The following MICAL3 variants were observed in gnomAD, a reference collection of about 807,000 sequenced individuals.
The protein encoded by MICAL3 is microtubule associated monooxygenase, calponin and LIM domain containing 3.
Under a neutral mutation model 207.4 loss-of-function variants are expected in MICAL3, and 62 were observed. The observed-to-expected ratio is 0.30, with a 90% CI of 0.24 to 0.37. MICAL3 has a LOEUF of 0.37. Ranked by LOEUF, MICAL3 falls within the 10% of genes least tolerant of loss-of-function variation. The pLI, the probability that MICAL3 is intolerant of heterozygous loss-of-function variation, is 1.00. For missense variants in MICAL3, 2,368 were observed against 2,635.6 expected (o/e 0.90, Z 2.22); for synonymous variants, 1,077 against 1,069.3 (o/e 1.01, Z -0.14).
chr22:17,847,616 C>CGACCGTG (rs1555993759), intron 19 of MICAL3, among the ~76,000 whole-genome samples: 1 of 152,072 alleles, frequency 6.6e-6, no homozygotes, highest in Non-Finnish European at 1.5e-5. Context: ...TAAAAGGGGC[C>CGACCGTG]GACCGTGACC....
intron 19 of MICAL3, chr22:17,860,777 C>T: frequency 1.0e-6 from 1 of 984,672 alleles, no homozygotes. Flanking sequence ...GAGACACCCA[C>T]CCACTCACCT....
chr22:18,021,812 G>C (rs1271518452), intron 1 of MICAL3, among the ~76,000 whole-genome samples: 1 of 152,160 alleles, frequency 6.6e-6, no homozygotes, highest in African/African-American at 2.4e-5. Flanking sequence ...TCCACATTGG[G>C]TGGGTTGTGT....
chr22:17,869,560 C>T (rs1927504808), intron 17 of MICAL3, among the ~76,000 whole-genome samples: 1 of 152,148 alleles, frequency 6.6e-6, no homozygotes, highest in East Asian at 1.9e-4. Flanking sequence ...AAAGAAACAG[C>T]AGCTCTGTGT....
At position 17,861,473 on chromosome 22, in the gene MICAL3, C is replaced by T. The variant is rs1341879145; in HGVS notation, c.2605+3426G>A. The T allele has an allele frequency of 1.2e-5, 12 of 985,482 alleles. No individual in the cohort carries two copies. The African/African-American group carries it at 1.6e-4, about 13-fold the overall frequency. 61.0% of individuals were successfully genotyped at this position (985,482 alleles called of 1,614,324 possible). A position where few individuals can be genotyped will look rare whatever the true frequency, so the allele number is the denominator to read the frequency against. On this transcript the variant is annotated intron_variant, in intron 19 of 31. Coordinates refer to ENST00000441493, the MANE Select transcript of MICAL3 (RefSeq NM_015241.3). ...AAAAAGCTCTTCTGTTCCTTTCCGG[C>T]TATGCCTTCGGCTTCCCTACTTCAT...
In MICAL3 at chr22:17,804,732, TG is replaced by T. The variant is rs1156491418; in HGVS notation, c.5650+4111del. Reference sequence around the variant, plus strand: ...GCACAGCACTCGGCCGCCATGGTGTTGCCCTCTCTCCAAACCCCGCATTCTG... The same window carrying T: ...GCACAGCACTCGGCCGCCATGGTGTTCCCTCTCTCCAAACCCCGCATTCTG... On this transcript the variant is annotated intron_variant, in intron 29 of 31. Coordinates refer to ENST00000441493, the MANE Select transcript of MICAL3 (RefSeq NM_015241.3). 5.9e-5 allele frequency among the ~76,000 whole-genome samples: 9 copies of T among 152,302 alleles called. No homozygotes were observed. In the East Asian group the frequency reaches 1.7e-3, roughly 29 times the overall value.
chr22:17,851,828 C>T (rs906686762), intron 19 of MICAL3, among the ~76,000 whole-genome samples: 1 of 152,232 alleles, frequency 6.6e-6, no homozygotes, highest in Non-Finnish European at 1.5e-5. Context: ...GCTCGATGTC[C>T]TGACACAAGC....
chr22:17,796,648 C>T lies in MICAL3; in HGVS notation c.5651-5347G>A, dbSNP rs975626395. Among the ~76,000 whole-genome samples, 1 of 152,224 alleles carries T rather than the reference C, an allele frequency of 6.6e-6. No individual in the cohort carries two copies. Among genetic ancestry groups the T allele is most frequent in the Non-Finnish European group, 1.5e-5 (1 of 68,026 alleles). ...GGCAGCTCAAGGAAGAGCAGTCCCACAGACCCTGATCAGAATGTCACACCT... is the reference window on the plus strand; with the variant it reads ...GGCAGCTCAAGGAAGAGCAGTCCCATAGACCCTGATCAGAATGTCACACCT... On this transcript the variant is annotated intron_variant, in intron 29 of 31. Coordinates refer to ENST00000441493, the MANE Select transcript of MICAL3 (RefSeq NM_015241.3). The surrounding 1 kb of genome is among the most constrained non-coding windows in gnomAD (Gnocchi z 4.4).
At chr22:17,866,572 T>C (rs1205598461) in intron 17 of MICAL3, among the ~76,000 whole-genome samples, 1 of 142,876 alleles carries the variant, frequency 7.0e-6, no homozygotes, top group Admixed American at 7.0e-5. Context: ...AATACTGCAA[T>C]GGACTATGAG....
At chr22:17,881,342 C>T in intron 16 of MICAL3, 1 of 1,514,540 alleles carries the variant, frequency 6.6e-7, no homozygotes, top group Non-Finnish European at 9.1e-7. Context: ...GAACATCATT[C>T]AAACAGTGGC....
At chr22:17,957,733 A>AGT (rs1934696063) in intron 1 of MICAL3, among the ~76,000 whole-genome samples, 1 of 142,858 alleles carries the variant, frequency 7.0e-6, no homozygotes, top group African/African-American at 2.6e-5. Context: ...AAAAAGAGAG[A>AGT]GAAAGAAAAC....
intron 29 of MICAL3, among the ~76,000 whole-genome samples, chr22:17,804,796 C>T (rs921339320): frequency 6.6e-6 from 1 of 152,172 alleles, no homozygotes; most frequent in Non-Finnish European, 1.5e-5. Context: ...CACCTGAGGG[C>T]CTCCCCTTGA....
chr22:17,863,098 A>C (rs5992879), intron 19 of MICAL3: 110,851 of 985,018 alleles, frequency 0.11, 8,949 homozygotes, highest in African/African-American at 0.39. Context: ...GGAAAGCGTA[A>C]TTCTTTAGAA....
At chr22:18,017,828 G>A (rs1328776763) in intron 1 of MICAL3, among the ~76,000 whole-genome samples, 3 of 149,430 alleles carry the variant, frequency 2.0e-5, no homozygotes, top group African/African-American at 5.0e-5. Flanking sequence ...TCCGCTCACT[G>A]CAAGCTCCGC....
intron 19 of MICAL3, among the ~76,000 whole-genome samples, chr22:17,846,574 TA>T (rs1054402490): frequency 9.2e-5 from 14 of 152,234 alleles, no homozygotes; most frequent in African/African-American, 3.4e-4. Flanking sequence ...CCTCATCAAC[TA>T]ATGGCAGAAC....
chr22:17,923,405 C>T (rs966075451), intron 1 of MICAL3, among the ~76,000 whole-genome samples: 3 of 152,250 alleles, frequency 2.0e-5, no homozygotes, highest in African/African-American at 4.8e-5. Context: ...CAACCTACCA[C>T]ATTTTTTTTC....
At position 17,787,688 on chromosome 22, in the gene MICAL3, T is replaced by C. The variant is rs1029153496; in HGVS notation, c.*3044A>G. On this transcript the variant is annotated 3_prime_UTR_variant, in exon 32 of 32. Transcript: ENST00000441493. ...TTTTATTTTGCATAAAACAGACCCA[T>C]TCCCTTTGTGGGTCAGATGTTACCA... is the stretch of plus-strand genomic sequence containing the variant. The C allele has an allele frequency of 3.3e-5, 5 of 152,254 alleles. No homozygotes were observed. The highest frequency in any genetic ancestry group is 9.6e-5 in the African/African-American group (4 of 41,470). The allele number at this position is 152,254 out of a possible 1,614,324, so 9.4% of individuals were successfully genotyped here. A position where few individuals can be genotyped will look rare whatever the true frequency, so the allele number is the denominator to read the frequency against.
intron 1 of MICAL3, among the ~76,000 whole-genome samples, chr22:17,945,753 C>T (rs571465842): frequency 1.3e-5 from 2 of 152,232 alleles, no homozygotes; most frequent in East Asian, 1.9e-4. Flanking sequence ...TCAAAGACTA[C>T]AGCCAAAGCT....
At chr22:18,016,766 C>T (rs1924080963) in intron 1 of MICAL3, among the ~76,000 whole-genome samples, 1 of 152,130 alleles carries the variant, frequency 6.6e-6, no homozygotes, top group African/African-American at 2.4e-5. Flanking sequence ...CAGTGAAACC[C>T]CGTCTCTACT....
intron 1 of MICAL3, among the ~76,000 whole-genome samples, chr22:18,023,453 TA>T (rs1290525786): frequency 6.6e-6 from 1 of 152,252 alleles, no homozygotes; most frequent in Non-Finnish European, 1.5e-5. Flanking sequence ...ATGAAAATTC[TA>T]AATAGTTGAT....
Sources: allele counts gnomAD v4.1 joint callset (sites outside exome capture counted in the v4.1 genomes callset), GRCh38; gene constraint gnomAD v4.1.1; non-coding constraint Gnocchi (gnomAD v3.1); transcripts MANE v1.5; gene names NCBI Gene and HGNC (gene_info 2026-07-23, HGNC 2026-07-21).